The following PSMD1 variants were observed in gnomAD, a reference collection of about 807,000 sequenced individuals.
The protein encoded by PSMD1 is 26S proteasome non-ATPase regulatory subunit 1.
PSMD1 carries 18 observed loss-of-function variants against 119.0 expected under a neutral mutation model. The observed-to-expected ratio is 0.15, with a 90% CI of 0.10 to 0.22. The LOEUF (loss-of-function observed/expected upper bound fraction) is 0.22. Ranked by LOEUF, PSMD1 falls within the 10% of genes least tolerant of loss-of-function variation. PSMD1 has a pLI of 1.00. For missense variants in PSMD1, 702 were observed against 1,158.5 expected, an observed-to-expected ratio of 0.61 and a Z score of 5.72; for synonymous variants, 374 against 396.6, an observed-to-expected ratio of 0.94 and a Z score of 0.68.
chr2:231,106,345 A>G (rs1694973917), intron 16 of PSMD1, among the ~76,000 whole-genome samples: 1 of 152,184 alleles, frequency 6.6e-6, no homozygotes, highest in South Asian at 2.1e-4. Flanking sequence ...AGAGCTAGAC[A>G]TGGTGACTCA....
chr2:231,166,067 A>G (rs766506884), intron 23 of PSMD1, 50 bp downstream of exon 23: 5 of 1,462,694 alleles, frequency 3.4e-6, no homozygotes, highest in Non-Finnish European at 4.6e-6. Flanking sequence ...ATATTAATCC[A>G]TAGGACAATA....
At chr2:231,135,264 T>C (rs796418225) in intron 16 of PSMD1, among the ~76,000 whole-genome samples, 9 of 152,288 alleles carry the variant, frequency 5.9e-5, no homozygotes, top group African/African-American at 2.2e-4. Context: ...TATTTTTATT[T>C]CATTGGAATG....
chr2:231,074,773 C>A (rs1453812478), intron 7 of PSMD1, among the ~76,000 whole-genome samples: 1 of 152,028 alleles, frequency 6.6e-6, no homozygotes, highest in Non-Finnish European at 1.5e-5. Context: ...ATTTTACTGC[C>A]CTCCAGTATT....
At chr2:231,153,428 C>A in intron 18 of PSMD1, 136 bp from the exon 19 acceptor site, 1 of 662,376 alleles carries the variant, frequency 1.5e-6, no homozygotes, top group Non-Finnish European at 2.6e-6. Context: ...GCCTTCAAGT[C>A]TGGTCCATAT....
chr2:231,137,221 G>T (rs1186191944), intron 16 of PSMD1, among the ~76,000 whole-genome samples: 2 of 151,480 alleles, frequency 1.3e-5, no homozygotes, highest in Non-Finnish European at 2.9e-5. Context: ...GGGTTCAAGG[G>T]ATTCTCCTGC....
At chr2:231,127,902 T>C (rs1399811329) in intron 16 of PSMD1, among the ~76,000 whole-genome samples, 1 of 152,242 alleles carries the variant, frequency 6.6e-6, no homozygotes, top group Non-Finnish European at 1.5e-5. Flanking sequence ...TAACTCTTAC[T>C]AAAGTAACTT....
At position 231,135,186 on chromosome 2, in the gene PSMD1, G is replaced by T. The variant is rs114440969; in HGVS notation, c.1884-3550G>T. Among the ~76,000 whole-genome samples, 895 of 152,260 alleles carry T rather than the reference G, an allele frequency of 5.9e-3. 16 individuals carry two copies. The highest frequency in any genetic ancestry group is 0.021 in the African/African-American group (860 of 41,546). ...TAGGAGTGAAAATAGAAGTTAAATG[G>T]TAGTTTCAACTACAAGTTTTAGAAT... is the stretch of plus-strand genomic sequence containing the variant. On this transcript the variant is annotated intron_variant, in intron 16 of 24. Coordinates refer to ENST00000308696, the MANE Select transcript of PSMD1 (RefSeq NM_002807.4).
At chr2:231,115,232 A>G (rs964579704) in intron 16 of PSMD1, among the ~76,000 whole-genome samples, 2 of 152,044 alleles carry the variant, frequency 1.3e-5, no homozygotes, top group Non-Finnish European at 2.9e-5. Flanking sequence ...GTTTTTAGAT[A>G]GATTTGGCTG....
intron 16 of PSMD1, chr2:231,109,149 C>A: frequency 6.2e-7 from 1 of 1,614,164 alleles, no homozygotes; most frequent in Non-Finnish European, 8.5e-7. Flanking sequence ...CAAGGTGTTT[C>A]ATCCCTTTGG....
chr2:231,102,524 ATATTC>A (rs1216841196), intron 16 of PSMD1, among the ~76,000 whole-genome samples: 6 of 152,246 alleles, frequency 3.9e-5, no homozygotes, highest in Non-Finnish European at 8.8e-5. Flanking sequence ...ATTATATACT[ATATTC>A]TTACAGTAAG....
chr2:231,123,468 A>C (rs1695618330), intron 16 of PSMD1: 8 of 1,613,992 alleles, frequency 5.0e-6, no homozygotes, highest in Non-Finnish European at 6.8e-6. Context: ...CCAGCAAATC[A>C]GCCACCGCCA....
chr2:231,076,203 T>C (rs1234872391), intron 8 of PSMD1, among the ~76,000 whole-genome samples: 1 of 152,140 alleles, frequency 6.6e-6, no homozygotes, highest in African/African-American at 2.4e-5. Flanking sequence ...TGGCAACATA[T>C]ATGGGAGGGA....
In PSMD1 at chr2:231,146,254, G is replaced by C. The variant is rs1559249287; in HGVS notation, c.2013G>C (p.Leu671Phe). 6.2e-7 allele frequency: 1 copy of C among 1,612,282 alleles called. No homozygotes were observed. The highest frequency in any genetic ancestry group is 8.5e-7 in the Non-Finnish European group (1 of 1,178,578). The change falls in exon 18 of 25, where the codon TTG becomes TTC. Residue 671 changes from leucine to phenylalanine, a missense_variant. Physicochemically the swap from Leu to Phe is conservative, Grantham distance 22. Transcript: ENST00000308696. ...AATTCTTTCAGGAAGCCATTAATTT[G>C]CTAGAACCAATGACAAACGACCCCG... ...AGTGNKEAINLLEPMTNDPVN... is the reference protein window; with the variant it reads ...AGTGNKEAINFLEPMTNDPVN...
At chr2:231,072,964 G>A (rs1020238206) in intron 7 of PSMD1, among the ~76,000 whole-genome samples, 3 of 152,038 alleles carry the variant, frequency 2.0e-5, no homozygotes, top group Admixed American at 6.6e-5. Context: ...CCCCTAGCCC[G>A]CTCTTTCACT....
chr2:231,126,836 G>A (rs1695732204), intron 16 of PSMD1, among the ~76,000 whole-genome samples: 1 of 151,506 alleles, frequency 6.6e-6, no homozygotes, highest in African/African-American at 2.4e-5. Context: ...TACTTATTTG[G>A]CAATCTCAAG....
At position 231,066,947 on chromosome 2, in the gene PSMD1, G is replaced by A. The variant is rs763497294; in HGVS notation, c.346G>A (p.Ala116Thr). The A allele has an allele frequency of 1.4e-5, 23 of 1,612,424 alleles. 1 individual carries two copies. The South Asian group carries it at 2.0e-4, about 14-fold the overall frequency. ...CTACACCAAACAATGTGTGGAAAATGCAGATTTGCCTGAAGGAGAAAAAAA... is the reference window on the plus strand; with the variant it reads ...CTACACCAAACAATGTGTGGAAAATACAGATTTGCCTGAAGGAGAAAAAAA... ...DHYTKQCVEN[A>T]DLPEGEKKPI... is the part of the protein sequence containing the mutation. Residue 116 changes from alanine to threonine, a missense_variant, in exon 5 of 25, where the codon GCA (alanine) becomes ACA (threonine). This residue lies in a region of PSMD1 where 50 missense variants were observed against 41.8 expected (regional missense o/e 1.20). Transcript: ENST00000308696.
chr2:231,165,393 A>G, intron 22 of PSMD1, 107 bp downstream of exon 22: 1 of 1,283,930 alleles, frequency 7.8e-7, no homozygotes, highest in Non-Finnish European at 1.0e-6. Context: ...GCTTCCTTCA[A>G]ACAATTATCC....
chr2:231,085,504 C>T (rs957494962), intron 15 of PSMD1, among the ~76,000 whole-genome samples: 1 of 152,180 alleles, frequency 6.6e-6, no homozygotes, highest in African/African-American at 2.4e-5. Flanking sequence ...CTTCCACATA[C>T]CCCTAATGGG....
intron 16 of PSMD1, chr2:231,123,478 A>G: frequency 6.2e-7 from 1 of 1,614,106 alleles, no homozygotes. Context: ...AGCCACCGCC[A>G]AGGACATTAG....
Sources: allele counts gnomAD v4.1 joint callset (sites outside exome capture counted in the v4.1 genomes callset), GRCh38; gene constraint gnomAD v4.1.1; regional missense constraint gnomAD v4.1.1; transcripts MANE v1.5; gene names NCBI Gene and HGNC (gene_info 2026-07-23, HGNC 2026-07-21).